The following ZFHX3 variants were observed in gnomAD, a reference collection of about 807,000 sequenced individuals.
The protein encoded by ZFHX3 is zinc finger homeobox 3, also known as zinc finger homeobox protein 3.
ZFHX3 carries 42 observed loss-of-function variants against 279.1 expected under a neutral mutation model. The ratio of observed to expected loss-of-function variants is 0.15; its 90% CI spans 0.12 to 0.19. ZFHX3 has a LOEUF of 0.19. Among genes scored for constraint, ZFHX3 ranks in the 10% least tolerant of loss-of-function variants. The pLI, the probability that ZFHX3 is intolerant of heterozygous loss-of-function variation, is 1.00. For missense variants in ZFHX3, 4,981 were observed against 4,754.0 expected (o/e 1.05, Z -1.40); for synonymous variants, 2,293 against 1,957.8 (o/e 1.17, Z -4.52).
intron 1 of ZFHX3, among the ~76,000 whole-genome samples, chr16:73,056,612 T>G (rs1046907503): frequency 1.3e-5 from 2 of 152,200 alleles, no homozygotes; most frequent in Admixed American, 1.3e-4. Flanking sequence ...TGGAGTGGAC[T>G]TCCCTATATT....
chr16:73,443,984 T>A (rs1172684203), intron 3 of ZFHX3, among the ~76,000 whole-genome samples: 2 of 152,120 alleles, frequency 1.3e-5, no homozygotes, highest in African/African-American at 4.8e-5. Flanking sequence ...TGGTCTTGAA[T>A]TACTGGGCCC....
intron 5 of ZFHX3, among the ~76,000 whole-genome samples, chr16:73,158,402 T>A (rs1597190979): frequency 1.3e-5 from 2 of 152,306 alleles, no homozygotes; most frequent in Admixed American, 1.3e-4. Flanking sequence ...CCTTTTCTTT[T>A]CTTTCCTTTT....
intron 2 of ZFHX3, among the ~76,000 whole-genome samples, chr16:73,651,196 T>A (rs2052666659): frequency 6.7e-6 from 1 of 149,470 alleles, no homozygotes; most frequent in African/African-American, 2.5e-5. Flanking sequence ...AGCAGGCAAA[T>A]GGGAGTATTA....
intron 3 of ZFHX3, among the ~76,000 whole-genome samples, chr16:73,349,554 AG>A (rs1428201288): frequency 6.6e-6 from 1 of 152,080 alleles, no homozygotes; most frequent in Non-Finnish European, 1.5e-5. Context: ...AGTTTTTGTA[AG>A]TGAGGAAGCT....
chr16:72,933,348 A>C (rs1176501545), intron 3 of ZFHX3, among the ~76,000 whole-genome samples: 1 of 152,204 alleles, frequency 6.6e-6, no homozygotes, highest in Non-Finnish European at 1.5e-5. Flanking sequence ...AGGGGAGGAC[A>C]GCAGGGATTG....
chr16:73,157,514 A>AGAT (rs944862625), intron 5 of ZFHX3, among the ~76,000 whole-genome samples: 7 of 146,236 alleles, frequency 4.8e-5, no homozygotes, highest in African/African-American at 1.8e-4. Context: ...TTTATCTGAA[A>AGAT]GATATAATAA....
chr16:73,541,712 G>A (rs1199142183), intron 2 of ZFHX3, among the ~76,000 whole-genome samples: 2 of 151,334 alleles, frequency 1.3e-5, no homozygotes, highest in Non-Finnish European at 1.5e-5. Context: ...AGGCAAATAC[G>A]GGAGTGCAGT....
intron 1 of ZFHX3, among the ~76,000 whole-genome samples, chr16:73,847,542 G>C (rs1251202870): frequency 6.6e-6 from 1 of 152,124 alleles, no homozygotes; most frequent in Non-Finnish European, 1.5e-5. Context: ...ATAATAACTA[G>C]AGTGACATCC....
chr16:73,245,481 A>T (rs534862998), intron 5 of ZFHX3, among the ~76,000 whole-genome samples: 115 of 152,354 alleles, frequency 7.5e-4, no homozygotes, highest in African/African-American at 2.7e-3. Flanking sequence ...GCAGACACTC[A>T]ATCCAGGCAT....
At chr16:73,075,135 TTACTC>T (rs1240299065) in intron 8 of ZFHX3, among the ~76,000 whole-genome samples, 2 of 152,168 alleles carry the variant, frequency 1.3e-5, no homozygotes, top group African/African-American at 4.8e-5. Flanking sequence ...TAAAGCATAA[TTACTC>T]TATTATTACC....
At chr16:72,871,558 T>A (rs948272670) in intron 4 of ZFHX3, among the ~76,000 whole-genome samples, 1 of 152,010 alleles carries the variant, frequency 6.6e-6, no homozygotes, top group Non-Finnish European at 1.5e-5. Flanking sequence ...GCCAGAATGG[T>A]CTTGATCTCC....
At position 73,245,895 on chromosome 16, in the gene ZFHX3, G is replaced by A. The variant is rs74030005; in HGVS notation, c.-1104+11152C>T. On this transcript the variant is annotated intron_variant, in intron 5 of 17. Transcript: ENST00000641206. The stretch of plus-strand genomic sequence containing the variant: ...CAGATGAACTTGTCCTGCCTCTTTA[G>A]GTCTGGGAACCTTAAGAGGGTTGAG... Among the ~76,000 whole-genome samples, 1,181 of 152,240 alleles carry A rather than the reference G, an allele frequency of 7.8e-3. 17 individuals are homozygous for A. Among genetic ancestry groups the A allele is most frequent in the African/African-American group, 0.027 (1,103 of 41,560 alleles).
intron 1 of ZFHX3, among the ~76,000 whole-genome samples, chr16:73,888,434 AT>A (rs1295316345): frequency 3.3e-5 from 5 of 152,256 alleles, no homozygotes; most frequent in Non-Finnish European, 5.9e-5. Context: ...GATTAAAAAA[AT>A]AGTAATAATA....
At chr16:72,987,655 C>T (rs62053225) in intron 1 of ZFHX3, among the ~76,000 whole-genome samples, 9,415 of 152,254 alleles carry the variant, frequency 0.062, 327 homozygotes, top group Non-Finnish European at 0.08. Context: ...GAAATCAGAA[C>T]ACTGGAGCCA....
chr16:73,290,015 CCACACACACACACACA>C (rs10564390), intron 4 of ZFHX3, among the ~76,000 whole-genome samples: 6 of 144,422 alleles, frequency 4.2e-5, no homozygotes, highest in African/African-American at 1.2e-4. Context: ...AGAGAAATAA[CCACACACACACACACA>C]CACACACACA....
At chr16:73,382,402 A>C (rs978181127) in intron 3 of ZFHX3, among the ~76,000 whole-genome samples, 3 of 152,246 alleles carry the variant, frequency 2.0e-5, no homozygotes, top group Non-Finnish European at 4.4e-5. Context: ...GGCTCTTACC[A>C]ATTGGCAAGA....
chr16:73,351,611 C>T (rs574661391), intron 3 of ZFHX3, among the ~76,000 whole-genome samples: 1 of 152,310 alleles, frequency 6.6e-6, no homozygotes, highest in South Asian at 2.1e-4. Flanking sequence ...GTCTTAGAGG[C>T]CTTGGTCTCA....
At chr16:73,649,262 C>T (rs75781115) in intron 2 of ZFHX3, among the ~76,000 whole-genome samples, 287 of 152,096 alleles carry the variant, frequency 1.9e-3, no homozygotes, top group African/African-American at 6.5e-3. Flanking sequence ...CAAAGTAAAG[C>T]TTGCAATGTC....
At chr16:72,962,361 C>T (rs1286869683) in intron 1 of ZFHX3, among the ~76,000 whole-genome samples, 1 of 152,366 alleles carries the variant, frequency 6.6e-6, no homozygotes, top group East Asian at 1.9e-4. Flanking sequence ...ACTTTTAAAA[C>T]CTCCCTTACT....
Sources: gnomAD v4.1 joint callset for allele counts (sites outside exome capture counted in the v4.1 genomes callset) on GRCh38, gnomAD v4.1.1 for gene constraint, MANE v1.5 for transcripts, NCBI Gene and HGNC (gene_info 2026-07-23, HGNC 2026-07-21) for gene names.